MAP3K19: variants seen among roughly 807,000 people sequenced by gnomAD.
MAP3K19 encodes the protein SPS1/STE20-related protein kinase YSK4.
MAP3K19 carries 91 observed loss-of-function variants against 114.4 expected under a neutral mutation model. The ratio of observed to expected loss-of-function variants is 0.80; its 90% CI spans 0.67 to 0.95. MAP3K19 has a LOEUF of 0.95. Among genes scored for constraint, MAP3K19 ranks in the 40% least tolerant of loss-of-function variants. MAP3K19 has a pLI of 0.00. For missense variants in MAP3K19, 1,471 were observed against 1,573.2 expected, an observed-to-expected ratio of 0.94 and a Z score of 1.10; for synonymous variants, 518 against 530.5, an observed-to-expected ratio of 0.98 and a Z score of 0.32.
At chr2:135,019,033 C>T (rs952740282) in intron 5 of MAP3K19, among the ~76,000 whole-genome samples, 1 of 151,336 alleles carries the variant, frequency 6.6e-6, no homozygotes, top group Non-Finnish European at 1.5e-5. Flanking sequence ...GAGCAGAGAT[C>T]GTGCCACTGC....
chr2:134,994,880 T>C (rs1685871004), intron 8 of MAP3K19, among the ~76,000 whole-genome samples: 2 of 152,118 alleles, frequency 1.3e-5, no homozygotes, highest in Non-Finnish European at 1.5e-5. Flanking sequence ...AATATGAACA[T>C]ACAGAGAACA....
At chr2:134,971,448 A>T (rs1232990844) in intron 12 of MAP3K19, among the ~76,000 whole-genome samples, 1 of 152,148 alleles carries the variant, frequency 6.6e-6, no homozygotes, top group Non-Finnish European at 1.5e-5. Flanking sequence ...TGAATGAGTT[A>T]GGGAGAATTC....
In MAP3K19 at chr2:134,980,939, C is replaced by T. The variant is rs761236537; in HGVS notation, c.3802G>A (p.Ala1268Thr). The T allele has an allele frequency of 2.5e-6, 4 of 1,614,206 alleles. No individual in the cohort carries two copies. The South Asian group carries it at 4.4e-5, about 18-fold the overall frequency. The change falls in exon 12 of 13, where the codon GCT becomes ACT. Residue 1268 changes from alanine to threonine, a missense_variant. Coordinates refer to ENST00000392915, the MANE Select transcript of MAP3K19 (RefSeq NM_025052.5). ...ATGGCGGCCATCCTGTCCATGGAAG[C>T]CAGTGGAGGCTTCCCTGTAGCCATC... ...FEMATGKPPL[A>T]SMDRMAAMFY...
At chr2:134,983,262 T>C in intron 11 of MAP3K19, 2 of 536,140 alleles carry the variant, frequency 3.7e-6, no homozygotes, top group Non-Finnish European at 7.6e-6. Flanking sequence ...CATCTAGTAA[T>C]GATTCTCCAA....
Position 135,005,432 on chromosome 2 carries a change from T to C in MAP3K19, c.235+3A>G. On this transcript the variant is annotated splice_donor_region_variant and intron_variant, in intron 6 of 12. Transcript: ENST00000392915. ...AAACACATCAAGGAGTAAAGCCCAGTACCTTCTGTCCTGGGTTGCCAGTCC... is the reference window on the plus strand; with the variant it reads ...AAACACATCAAGGAGTAAAGCCCAGCACCTTCTGTCCTGGGTTGCCAGTCC... 1 of 1,598,930 alleles carries C rather than the reference T, an allele frequency of 6.3e-7. No individual in the cohort carries two copies. The highest frequency in any genetic ancestry group is 8.6e-7 in the Non-Finnish European group (1 of 1,166,154).
At chr2:135,015,652 T>C (rs568077200) in intron 5 of MAP3K19, among the ~76,000 whole-genome samples, 2 of 152,262 alleles carry the variant, frequency 1.3e-5, no homozygotes, top group Non-Finnish European at 2.9e-5. Flanking sequence ...TCCAGCACTT[T>C]AGGAGGCCGA....
chr2:134,966,857 T>TC (rs1208207161), intron 12 of MAP3K19, among the ~76,000 whole-genome samples: 1 of 152,084 alleles, frequency 6.6e-6, no homozygotes, highest in African/African-American at 2.4e-5. Context: ...TTCTCCATGG[T>TC]CATGGCCCAG....
At chr2:135,045,461 A>C (rs1217800366) in intron 1 of MAP3K19, among the ~76,000 whole-genome samples, 1 of 152,190 alleles carries the variant, frequency 6.6e-6, no homozygotes, top group East Asian at 1.9e-4. Context: ...GGATCATTTC[A>C]GGGGGAAAAA....
chr2:135,039,936 CAA>C (rs1688612795), intron 2 of MAP3K19, among the ~76,000 whole-genome samples: 1 of 152,308 alleles, frequency 6.6e-6, no homozygotes, highest in Admixed American at 6.5e-5. Context: ...ACAAAGAGGA[CAA>C]AGTCTGCTGC....
intron 10 of MAP3K19, among the ~76,000 whole-genome samples, chr2:134,984,203 C>T (rs1684925174): frequency 6.6e-6 from 1 of 152,126 alleles, no homozygotes; most frequent in Non-Finnish European, 1.5e-5. Flanking sequence ...CTAACCTCAA[C>T]TCTCTCCTCA....
chr2:134,995,117 GC>G (rs1206602180), intron 8 of MAP3K19, among the ~76,000 whole-genome samples: 2 of 152,050 alleles, frequency 1.3e-5, no homozygotes, highest in African/African-American at 4.8e-5. Context: ...TTCAAGACCA[GC>G]CTGGGCAATA....
Position 134,987,188 on chromosome 2 carries a change from G to A in MAP3K19, c.1684C>T (p.Pro562Ser). 3 of 1,614,148 alleles carry A rather than the reference G, an allele frequency of 1.9e-6. No individual in the cohort carries two copies. The highest frequency in any genetic ancestry group is 1.1e-5 in the South Asian group (1 of 91,082). The change falls in exon 10 of 13, where the codon CCT (proline) becomes TCT (serine). Residue 562 changes from proline to serine, a missense_variant. By Grantham distance (74) the Pro-to-Ser change is moderately conservative. Coordinates refer to ENST00000392915, the MANE Select transcript of MAP3K19 (RefSeq NM_025052.5). ...FVISTEGPIK[P>S]TMHKTSIKTQ... ...TTTATGCTGGTTTTATGCATGGTAGGCTTAATGGGACCTTCAGTAGAAATC... is the reference window on the plus strand; with the variant it reads ...TTTATGCTGGTTTTATGCATGGTAGACTTAATGGGACCTTCAGTAGAAATC...
At chr2:134,996,227 G>A (rs755547836) in intron 8 of MAP3K19, among the ~76,000 whole-genome samples, 59 of 151,704 alleles carry the variant, frequency 3.9e-4, no homozygotes, top group African/African-American at 1.1e-3. Context: ...CCAAAGTGCT[G>A]GGGTTACAGG....
rs1234833236 is a variant in MAP3K19 at position 134,982,751 on chromosome 2, GA to G, written c.3222+924del. 2.0e-5 allele frequency among the ~76,000 whole-genome samples: 3 copies of G among 152,276 alleles called. No homozygotes were observed. In the East Asian group the frequency reaches 5.8e-4, roughly 29 times the overall value. On this transcript the variant is annotated intron_variant, in intron 11 of 12. Transcript: ENST00000392915. ...GTTCAGCTCCCAAGCTCTCTGGAGT[GA>G]GAAGGAGACAGGCCCTGGAAATCAC...
chr2:134,996,283 T>C (rs1478935662), intron 8 of MAP3K19, among the ~76,000 whole-genome samples: 1 of 150,594 alleles, frequency 6.6e-6, no homozygotes, highest in African/African-American at 2.4e-5. Context: ...TTTTTTTTTT[T>C]TTTTTTTTTG....
At chr2:134,976,773 A>G (rs980577540) in intron 12 of MAP3K19, among the ~76,000 whole-genome samples, 4 of 151,946 alleles carry the variant, frequency 2.6e-5, no homozygotes, top group African/African-American at 9.6e-5. Context: ...ACAGCAAGGC[A>G]CAGTGGCTCA....
intron 12 of MAP3K19, among the ~76,000 whole-genome samples, chr2:134,968,144 C>T (rs1176110202): frequency 6.6e-6 from 1 of 152,148 alleles, no homozygotes; most frequent in Non-Finnish European, 1.5e-5. Flanking sequence ...TGAGTGGACA[C>T]AGCACATGTT....
intron 5 of MAP3K19, among the ~76,000 whole-genome samples, chr2:135,005,739 C>A (rs1333676280): frequency 1.3e-5 from 2 of 152,244 alleles, no homozygotes; most frequent in South Asian, 2.1e-4. Flanking sequence ...ATTGCATAAT[C>A]AAAAATGAGG....
At chr2:135,046,229 T>C (rs1056077631) in intron 1 of MAP3K19, among the ~76,000 whole-genome samples, 4 of 152,214 alleles carry the variant, frequency 2.6e-5, no homozygotes, top group African/African-American at 9.6e-5. Flanking sequence ...TTTTAGGTTT[T>C]TTTCATAAGA....
Sources: gnomAD v4.1 joint callset for allele counts (sites outside exome capture counted in the v4.1 genomes callset) on GRCh38, gnomAD v4.1.1 for gene constraint, MANE v1.5 for transcripts, NCBI Gene and HGNC (gene_info 2026-07-23, HGNC 2026-07-21) for gene names.